GABBR2: variants seen among roughly 807,000 people sequenced by gnomAD.
GABBR2 encodes the protein gamma-aminobutyric acid type B receptor subunit 2.
GABBR2 carries 23 observed loss-of-function variants against 105.6 expected under a neutral mutation model. That is an observed-to-expected ratio of 0.22 (90% CI 0.16 to 0.31). The LOEUF is 0.31. Ranked by LOEUF, GABBR2 falls within the 10% of genes least tolerant of loss-of-function variation. The pLI is 1.00. For missense variants in GABBR2, 734 were observed against 1,245.5 expected (o/e 0.59, Z 6.18); for synonymous variants, 478 against 499.7 (o/e 0.96, Z 0.58).
At chr9:98,346,718 C>A (rs899933123) in intron 13 of GABBR2, among the ~76,000 whole-genome samples, 1 of 152,146 alleles carries the variant, frequency 6.6e-6, no homozygotes, top group Non-Finnish European at 1.5e-5. Context: ...AACCTCTCCC[C>A]ATACTCCCCT....
intron 18 of GABBR2, among the ~76,000 whole-genome samples, chr9:98,293,407 G>T (rs918389906): frequency 1.3e-5 from 2 of 152,060 alleles, no homozygotes; most frequent in South Asian, 2.1e-4. Flanking sequence ...TTTCTTCACC[G>T]CTGTAACCCT....
At chr9:98,479,618 A>G (rs1475866181) in intron 5 of GABBR2, among the ~76,000 whole-genome samples, 1 of 152,262 alleles carries the variant, frequency 6.6e-6, no homozygotes, top group Non-Finnish European at 1.5e-5. Flanking sequence ...GCTTGCAGCC[A>G]CTACCCTATC....
At chr9:98,515,352 G>A (rs1272692377) in intron 3 of GABBR2, among the ~76,000 whole-genome samples, 1 of 152,156 alleles carries the variant, frequency 6.6e-6, no homozygotes, top group Non-Finnish European at 1.5e-5. Flanking sequence ...CGAGCAGTGC[G>A]ATCAAATTGT....
At chr9:98,366,327 T>C (rs3780430) in intron 12 of GABBR2, among the ~76,000 whole-genome samples, 55,307 of 152,174 alleles carry the variant, frequency 0.36, 12,050 homozygotes, top group African/African-American at 0.62. Context: ...GAACGTAGCC[T>C]TGCTCGTTTA....
At chr9:98,494,624 A>T (rs1161477861) in intron 4 of GABBR2, among the ~76,000 whole-genome samples, 1 of 152,170 alleles carries the variant, frequency 6.6e-6, no homozygotes, top group African/African-American at 2.4e-5. Flanking sequence ...TTGAGTCTCG[A>T]GTCCACATCT....
rs532346684 is a variant in GABBR2, at chr9:98,486,809, G to A, written c.733-5812C>T. ...CCAACTGTCTGGCTGTAGACTTGGA[G>A]TGGGCCCTAGAAGTTCAGCCTAGAA... On this transcript the variant is annotated intron_variant, in intron 4 of 18. Transcript: ENST00000259455. Among the ~76,000 whole-genome samples, 149 of 152,346 alleles carry A rather than the reference G, an allele frequency of 9.8e-4. 1 individual carries two copies. The highest frequency in any genetic ancestry group is 2.9e-3 in the African/African-American group (122 of 41,582).
intron 13 of GABBR2, among the ~76,000 whole-genome samples, chr9:98,339,542 G>A (rs1022051311): frequency 2.0e-5 from 3 of 152,140 alleles, no homozygotes; most frequent in African/African-American, 7.2e-5. Context: ...AGATGACGGT[G>A]GTGTGGACCC....
chr9:98,546,612 TG>T (rs1476301626), intron 2 of GABBR2, among the ~76,000 whole-genome samples: 1 of 152,262 alleles, frequency 6.6e-6, no homozygotes, highest in Non-Finnish European at 1.5e-5. Flanking sequence ...ACTGTATTTT[TG>T]CTTGCATTTG....
intron 12 of GABBR2, among the ~76,000 whole-genome samples, chr9:98,365,710 G>T (rs1770823136): frequency 6.6e-6 from 1 of 152,204 alleles, no homozygotes; most frequent in African/African-American, 2.4e-5. Flanking sequence ...ATGCATGTTT[G>T]TGGGGAAGAC....
chr9:98,294,862 C>T (rs1830356032), intron 17 of GABBR2, among the ~76,000 whole-genome samples: 1 of 152,176 alleles, frequency 6.6e-6, no homozygotes, highest in African/African-American at 2.4e-5. Context: ...AGTTATAGGA[C>T]CTCCATTCAA....
chr9:98,456,638 C>T (rs1246822922), intron 6 of GABBR2, among the ~76,000 whole-genome samples: 1 of 152,318 alleles, frequency 6.6e-6, no homozygotes, highest in East Asian at 1.9e-4. Flanking sequence ...CACAGGAGCA[C>T]ACCTATTCAC....
chr9:98,558,867 C>A (rs575293010), intron 2 of GABBR2, among the ~76,000 whole-genome samples: 106 of 152,338 alleles, frequency 7.0e-4, no homozygotes, highest in Admixed American at 2.3e-3. Context: ...AGGGTATCTC[C>A]AGGGATCTCA....
In GABBR2 at chr9:98,388,213, T is replaced by C. The variant is rs914726374; in HGVS notation, c.1529+641A>G. 1.3e-5 allele frequency among the ~76,000 whole-genome samples: 2 copies of C among 152,080 alleles called. No individual in the cohort carries two copies. Among genetic ancestry groups the C allele is most frequent in the Non-Finnish European group, 2.9e-5 (2 of 68,010 alleles). ...CCTCTGGAGAATTAAGGGCACGTGGTGGGGAAAAGAAATTAAGACAAGAAA... is the reference window on the plus strand; with the variant it reads ...CCTCTGGAGAATTAAGGGCACGTGGCGGGGAAAAGAAATTAAGACAAGAAA... On this transcript the variant is annotated intron_variant, in intron 10 of 18. Transcript: ENST00000259455. The surrounding 1 kb of genome is among the most constrained non-coding windows in gnomAD (Gnocchi z 4.4).
chr9:98,565,523 C>T (rs1051320979), intron 2 of GABBR2, among the ~76,000 whole-genome samples: 1 of 152,178 alleles, frequency 6.6e-6, no homozygotes, highest in Admixed American at 6.5e-5. Flanking sequence ...CAGGGGCCCA[C>T]AAGGAGCAAG....
chr9:98,561,413 TGGAATGGA>T (rs1229875911), intron 2 of GABBR2, among the ~76,000 whole-genome samples: 2 of 151,988 alleles, frequency 1.3e-5, no homozygotes, highest in African/African-American at 2.4e-5. Context: ...GAGGAATGGC[TGGAATGGA>T]GGAATGGAGG....
intron 13 of GABBR2, among the ~76,000 whole-genome samples, chr9:98,330,118 C>T (rs1044111650): frequency 2.6e-5 from 4 of 152,190 alleles, no homozygotes; most frequent in Admixed American, 2.0e-4. Flanking sequence ...AAGCTCCCTC[C>T]AGCCCTGCAT....
chr9:98,416,616 T>A (rs1225552877), intron 7 of GABBR2, among the ~76,000 whole-genome samples: 2 of 152,226 alleles, frequency 1.3e-5, no homozygotes, highest in East Asian at 1.9e-4. Flanking sequence ...CCCTGCTATG[T>A]CCCTTTGAGG....
chr9:98,388,759 T>C lies in GABBR2; in HGVS notation c.1529+95A>G. On this transcript the variant is annotated intron_variant, in intron 10 of 18. Transcript: ENST00000259455. The surrounding 1 kb of genome is among the most constrained non-coding windows in gnomAD (Gnocchi z 4.4). ...AAACTCTGCCCTGCAGACTTCTGTG[T>C]CCCTGGGGAATCTGTCATGTGGCAC... 9.9e-7 allele frequency: 1 copy of C among 1,011,722 alleles called. No individual in the cohort carries two copies. 62.7% of individuals were successfully genotyped at this position (1,011,722 alleles called of 1,614,324 possible).
intron 1 of GABBR2, among the ~76,000 whole-genome samples, chr9:98,659,070 T>C (rs1023858955): frequency 4.6e-5 from 7 of 152,234 alleles, no homozygotes; most frequent in African/African-American, 1.4e-4. Flanking sequence ...GAAAAACTAT[T>C]ATACGTCTTG....
Sources: allele counts gnomAD v4.1 joint callset (sites outside exome capture counted in the v4.1 genomes callset), GRCh38; gene constraint gnomAD v4.1.1; non-coding constraint Gnocchi (gnomAD v3.1); transcripts MANE v1.5; gene names NCBI Gene and HGNC (gene_info 2026-07-23, HGNC 2026-07-21).